ZFR2: variants seen among roughly 807,000 people sequenced by gnomAD.
ZFR2 encodes zinc finger RNA-binding protein 2.
In ZFR2, 104 loss-of-function variants were observed where a neutral mutation model predicts 105.7. That is an observed-to-expected ratio of 0.98 (90% CI 0.84 to 1.16). ZFR2 has a LOEUF of 1.16. Among genes scored for constraint, ZFR2 ranks in the 50% most tolerant of loss-of-function variants. The probability of loss-of-function intolerance (pLI) is 0.00; values close to 1 mark genes in which losing one functional copy is unlikely to be tolerated. For missense variants in ZFR2, 1,425 were observed against 1,355.5 expected, an observed-to-expected ratio of 1.05 and a Z score of -0.80; for synonymous variants, 634 against 597.7, an observed-to-expected ratio of 1.06 and a Z score of -0.89.
intron 17 of ZFR2, among the ~76,000 whole-genome samples, chr19:3,807,725 C>CGT (rs139884226): frequency 2.7e-5 from 4 of 146,248 alleles, no homozygotes; most frequent in Admixed American, 6.7e-5. Context: ...ACGGTGTGCC[C>CGT]GTGTGTGTGT....
chr19:3,863,678 G>A (rs778957636), intron 1 of ZFR2, among the ~76,000 whole-genome samples: 8 of 152,156 alleles, frequency 5.3e-5, no homozygotes, highest in Admixed American at 1.3e-4. Context: ...AGGTGACAGC[G>A]TAAAGGATGG....
In ZFR2 at chr19:3,810,788, A is replaced by C; in HGVS notation, c.2395T>G (p.Cys799Gly). ...GCCCCCCAGGTGGGCACACGCCGGC[A>C]GAGGTCCCTCAGGACCCTGATGACG... is the stretch of plus-strand genomic sequence containing the variant. ...VIVIRVLRDL[C>G]RRVPTWGALP... The change falls in exon 16 of 19, where the codon TGC (cysteine) becomes GGC (glycine). Residue 799 changes from cysteine (C) to glycine (G), a missense_variant. Transcript: ENST00000262961. 6.5e-7 allele frequency: 1 copy of C among 1,550,344 alleles called. No individual in the cohort carries two copies. Among genetic ancestry groups the C allele is most frequent in the Non-Finnish European group, 8.7e-7 (1 of 1,146,806 alleles).
Position 3,833,763 on chromosome 19 carries a change from C to A in ZFR2, c.280G>T (p.Gly94Ter). 1 of 1,576,612 alleles carries A rather than the reference C, an allele frequency of 6.3e-7. No individual in the cohort carries two copies. The highest frequency in any genetic ancestry group is 2.3e-5 in the East Asian group (1 of 43,026). Residue 94 changes from glycine to a stop codon, truncating the protein, a stop_gained, in exon 3 of 19, where the codon GGA becomes TGA. Coordinates refer to ENST00000262961, the MANE Select transcript of ZFR2 (RefSeq NM_015174.2). LOFTEE classifies it high-confidence loss of function. ...MATYQDSYSY[G>*]QSAAARSYED... Reference sequence around the variant, plus strand: ...TAGCTCCTGGCAGCTGCTGACTGTCCGTAGCTGTAACTGTCCTATGTGGGG... The same window carrying A: ...TAGCTCCTGGCAGCTGCTGACTGTCAGTAGCTGTAACTGTCCTATGTGGGG...
At chr19:3,859,769 A>T (rs576675100) in intron 1 of ZFR2, among the ~76,000 whole-genome samples, 1 of 152,320 alleles carries the variant, frequency 6.6e-6, no homozygotes, top group East Asian at 1.9e-4. Flanking sequence ...CGCTGTGTGT[A>T]CACACAACAC....
Position 3,825,329 on chromosome 19 carries a change from C to G in ZFR2, c.1114G>C (p.Ala372Pro). ...GTGGGGGACGTGGGCTTGGCCTCTG[C>G]CCCGGGGGGGCTCTCTGTGGCCAGT... ...PALATESPPG[A>P]EAKPTSPTGP... The change falls in exon 7 of 19, where the codon GCA becomes CCA. Residue 372 changes from alanine to proline, a missense_variant. Transcript: ENST00000262961. 6.3e-7 allele frequency: 1 copy of G among 1,587,398 alleles called. No homozygotes were observed. The highest frequency in any genetic ancestry group is 8.5e-7 in the Non-Finnish European group (1 of 1,170,604).
chr19:3,862,172 G>A (rs1307263368), intron 1 of ZFR2, among the ~76,000 whole-genome samples: 1 of 152,076 alleles, frequency 6.6e-6, no homozygotes, highest in African/African-American at 2.4e-5. Context: ...AAATACACAC[G>A]TTGGTAGACC....
Position 3,850,118 on chromosome 19 carries a change from C to T in ZFR2, c.54-15135G>A, listed in dbSNP as rs371564324. On this transcript the variant is annotated intron_variant, in intron 1 of 18. Transcript: ENST00000262961. The stretch of plus-strand genomic sequence containing the variant: ...CTCTCCTACACAGATAACAGAGACG[C>T]GGGGGCAGAGGCAGCGAAACCCAGG... Among the ~76,000 whole-genome samples the T allele has an allele frequency of 2.4e-4, 36 of 152,160 alleles. No homozygotes were observed. The South Asian group carries it at 4.4e-3, about 18-fold the overall frequency.
At chr19:3,840,768 G>A (rs1458839284) in intron 1 of ZFR2, among the ~76,000 whole-genome samples, 2 of 152,156 alleles carry the variant, frequency 1.3e-5, no homozygotes, top group African/African-American at 4.8e-5. Flanking sequence ...CTGGCCTTAT[G>A]CGATCCTCCT....
intron 6 of ZFR2, 111 bp from the exon 7 acceptor site, chr19:3,825,518 G>C (rs1244013399): frequency 1.5e-6 from 2 of 1,358,708 alleles, no homozygotes; most frequent in African/African-American, 3.0e-5. Context: ...TGGGCTGGCC[G>C]GTCCCAGGGA....
chr19:3,866,740 T>C (rs2038434395), intron 1 of ZFR2, among the ~76,000 whole-genome samples: 1 of 152,062 alleles, frequency 6.6e-6, no homozygotes, highest in Non-Finnish European at 1.5e-5. Context: ...TGTCCAGAAG[T>C]TTGTACTAGC....
rs543010203 is a variant in ZFR2, at chr19:3,813,066, C to T, written c.2242+754G>A. 2.6e-5 allele frequency among the ~76,000 whole-genome samples: 4 copies of T among 152,164 alleles called. No homozygotes were observed. The highest frequency in any genetic ancestry group is 4.8e-5 in the African/African-American group (2 of 41,498). On this transcript the variant is annotated intron_variant, in intron 14 of 18. Coordinates refer to ENST00000262961, the MANE Select transcript of ZFR2 (RefSeq NM_015174.2). The surrounding 1 kb of genome is among the most constrained non-coding windows in gnomAD (Gnocchi z 4.4). ...TTGCACTCCAGCCTGGGCAACAGAG[C>T]GAGACTCTGTCTCAAAAAACAAACA... is the stretch of plus-strand genomic sequence containing the variant.
At chr19:3,820,456 T>A in intron 10 of ZFR2, among the ~76,000 whole-genome samples, 166 bp from the exon 11 acceptor site, 1 of 152,168 alleles carries the variant, frequency 6.6e-6, no homozygotes, top group Admixed American at 6.5e-5. Flanking sequence ...CACAGAAGAC[T>A]GAGGCTGGGA....
chr19:3,826,106 G>T (rs961543602), intron 6 of ZFR2, among the ~76,000 whole-genome samples: 15 of 152,012 alleles, frequency 9.9e-5, no homozygotes, highest in Admixed American at 4.6e-4. Flanking sequence ...CTGCAGCTCT[G>T]CCCCACCGGC....
intron 12 of ZFR2, 80 bp from the exon 13 acceptor site, chr19:3,816,925 G>A: frequency 1.5e-6 from 2 of 1,338,022 alleles, no homozygotes; most frequent in South Asian, 2.8e-5. Context: ...TGAGCTACGG[G>A]GACCCTGCAA....
intron 1 of ZFR2, among the ~76,000 whole-genome samples, chr19:3,840,545 T>C (rs531763520): frequency 6.6e-6 from 1 of 151,688 alleles, no homozygotes; most frequent in South Asian, 2.1e-4. Flanking sequence ...CCTGATTGTT[T>C]TAGATATGAG....
chr19:3,805,942 A>AGGC lies in ZFR2; in HGVS notation c.*4_*6dup, dbSNP rs2037690885. The AGGC allele has an allele frequency of 6.6e-7, 1 of 1,525,312 alleles. No homozygotes were observed. Among genetic ancestry groups the AGGC allele is most frequent in the Non-Finnish European group, 8.8e-7 (1 of 1,140,006 alleles). 94.5% of individuals were successfully genotyped at this position (1,525,312 alleles called of 1,614,324 possible). A position where few individuals can be genotyped will look rare whatever the true frequency, so the allele number is the denominator to read the frequency against. ...GCAAAGGCCCGCAGGTGGGGGAGGT[A>AGGC]GGCGGCTCACACGAGCCCCTCTCCG... On this transcript the variant is annotated 3_prime_UTR_variant, in exon 19 of 19. Coordinates refer to ENST00000262961, the MANE Select transcript of ZFR2 (RefSeq NM_015174.2).
chr19:3,852,030 G>A (rs191267500), intron 1 of ZFR2: 14 of 230,582 alleles, frequency 6.1e-5, no homozygotes, highest in African/African-American at 1.8e-4. Context: ...TTCTGCAGGC[G>A]GGGATCAGCT....
intron 5 of ZFR2, among the ~76,000 whole-genome samples, chr19:3,830,940 T>C (rs568865220): frequency 6.7e-6 from 1 of 150,226 alleles, no homozygotes; most frequent in East Asian, 2.0e-4. Flanking sequence ...CATGCAGGCA[T>C]ACATGCGCAC....
intron 1 of ZFR2, among the ~76,000 whole-genome samples, chr19:3,844,787 G>A (rs764329172): frequency 2.6e-5 from 4 of 152,178 alleles, no homozygotes; most frequent in Non-Finnish European, 4.4e-5. Context: ...AGCAGAGAAC[G>A]AGGCCTGGTA....
Sources: gnomAD v4.1 joint callset for allele counts (sites outside exome capture counted in the v4.1 genomes callset) on GRCh38, gnomAD v4.1.1 for gene constraint, Gnocchi (gnomAD v3.1) non-coding constraint, MANE v1.5 for transcripts, NCBI Gene and HGNC (gene_info 2026-07-23, HGNC 2026-07-21) for gene names.